CDC42BPA: variants seen among roughly 807,000 people sequenced by gnomAD.
CDC42BPA encodes serine/threonine-protein kinase MRCK alpha.
In CDC42BPA, 80 loss-of-function variants were observed where a neutral mutation model predicts 223.5. That is an observed-to-expected ratio of 0.36 (90% CI 0.30 to 0.43). CDC42BPA has a LOEUF of 0.43. Among genes scored for constraint, CDC42BPA ranks in the 20% least tolerant of loss-of-function variants. The pLI is 1.00. For synonymous variants in CDC42BPA, 694 were observed against 718.6 expected (o/e 0.97, Z 0.55); for missense variants, 1,743 against 2,099.9 (o/e 0.83, Z 3.32).
chr1:227,003,729 T>C (rs1011041002), intron 35 of CDC42BPA, among the ~76,000 whole-genome samples: 1 of 152,148 alleles, frequency 6.6e-6, no homozygotes. Context: ...AAGTGCACCA[T>C]GGAGCACAGT....
chr1:227,240,605 T>C (rs60958272), intron 2 of CDC42BPA, among the ~76,000 whole-genome samples: 22,753 of 151,778 alleles, frequency 0.15, 2,076 homozygotes, highest in African/African-American at 0.24. Context: ...ATAGAGCACA[T>C]GGTCTTTTTA....
chr1:227,129,663 T>G (rs1050565962), intron 10 of CDC42BPA, among the ~76,000 whole-genome samples: 1 of 30,864 alleles, frequency 3.2e-5, no homozygotes, highest in Non-Finnish European at 5.6e-5. Flanking sequence ...TGAGACTGTA[T>G]CTCAAAAAAA....
At chr1:227,003,103 G>A (rs139512918) in intron 35 of CDC42BPA, among the ~76,000 whole-genome samples, 2 of 152,206 alleles carry the variant, frequency 1.3e-5, no homozygotes, top group East Asian at 1.9e-4. Flanking sequence ...CACAAATTGG[G>A]TGCCAAAATC....
At chr1:226,998,803 A>G (rs1662160889) in intron 35 of CDC42BPA, among the ~76,000 whole-genome samples, 1 of 152,236 alleles carries the variant, frequency 6.6e-6, no homozygotes. Flanking sequence ...ATGGGATCTA[A>G]TTAAACTAAA....
At chr1:227,254,191 T>C in intron 1 of CDC42BPA, 36 bp from the exon 2 acceptor site, 2 of 1,049,250 alleles carry the variant, frequency 1.9e-6, no homozygotes, top group Non-Finnish European at 2.9e-6. Flanking sequence ...ATTTTCTTAA[T>C]AAAATGTGAT....
chr1:227,134,688 C>G (rs1658133299), intron 10 of CDC42BPA, among the ~76,000 whole-genome samples: 1 of 152,174 alleles, frequency 6.6e-6, no homozygotes, highest in South Asian at 2.1e-4. Flanking sequence ...ATGAATGAAT[C>G]AGTTTAAATG....
chr1:227,038,154 CTCTGGTG>C (rs1670646617), intron 24 of CDC42BPA, among the ~76,000 whole-genome samples: 1 of 121,542 alleles, frequency 8.2e-6, no homozygotes, highest in Non-Finnish European at 1.8e-5. Context: ...CTCTGTGCTG[CTCTGGTG>C]ATAGTGATTA....
At chr1:227,050,814 T>C (rs926232684) in intron 22 of CDC42BPA, among the ~76,000 whole-genome samples, 2 of 152,170 alleles carry the variant, frequency 1.3e-5, no homozygotes, top group South Asian at 4.1e-4. Flanking sequence ...TATTTAGATA[T>C]GTCTGGGAAA....
At chr1:227,220,282 TTATATATATATA>T (rs368690606) in intron 2 of CDC42BPA, among the ~76,000 whole-genome samples, 3 of 100,900 alleles carry the variant, frequency 3.0e-5, no homozygotes, top group Non-Finnish European at 5.8e-5. Context: ...AAAAGTCATG[TTATATATATATA>T]TATATATATA....
intron 32 of CDC42BPA, 82 bp from the exon 33 acceptor site, chr1:227,017,132 C>A: frequency 1.6e-6 from 2 of 1,289,394 alleles, no homozygotes; most frequent in Non-Finnish European, 2.1e-6. Context: ...CAAGACAGTA[C>A]AAACATTGAT....
intron 14 of CDC42BPA, among the ~76,000 whole-genome samples, chr1:227,105,225 T>C (rs914567363): frequency 1.3e-5 from 2 of 152,124 alleles, no homozygotes; most frequent in African/African-American, 4.8e-5. Context: ...ATCACCAGTA[T>C]CTATTTCCAA....
At chr1:227,159,677 G>T (rs1249497309) in intron 6 of CDC42BPA, among the ~76,000 whole-genome samples, 6 of 151,490 alleles carry the variant, frequency 4.0e-5, no homozygotes, top group African/African-American at 1.5e-4. Flanking sequence ...GAATAAAACT[G>T]TGGCATATAA....
Position 227,028,646 on chromosome 1 carries a change from G to C in CDC42BPA, c.4432+11C>G. Reference sequence around the variant, plus strand: ...ATAAAGATAAGACAGCCGTAAGAAAGAGAATCTTACAACAAGAGGAAGGAT... The same window carrying C: ...ATAAAGATAAGACAGCCGTAAGAAACAGAATCTTACAACAAGAGGAAGGAT... On this transcript the variant is annotated intron_variant, in intron 30 of 36. Transcript: ENST00000366766. 1 of 1,498,150 alleles carries C rather than the reference G, an allele frequency of 6.7e-7. No individual in the cohort carries two copies. The highest frequency in any genetic ancestry group is 9.1e-7 in the Non-Finnish European group (1 of 1,104,324). The allele number at this position is 1,498,150 out of a possible 1,614,324, so 92.8% of individuals were successfully genotyped here.
rs1277915676 is a variant in CDC42BPA at position 227,265,551 on chromosome 1, TC to T, written c.179-11397del. On this transcript the variant is annotated intron_variant, in intron 1 of 36. Coordinates refer to ENST00000366766, the MANE Select transcript of CDC42BPA (RefSeq NM_001394014.1). ...GGCTGAGGCAGGAGTATCGCTTGAA[TC>T]CGGGAGGTGGAGGTTGCAGTGACCC... Among the ~76,000 whole-genome samples, 13 of 150,448 alleles carry T rather than the reference TC, an allele frequency of 8.6e-5. No homozygotes were observed. In the Admixed American group the frequency reaches 8.7e-4, roughly 10 times the overall value.
intron 20 of CDC42BPA, among the ~76,000 whole-genome samples, chr1:227,070,527 C>T (rs6703504): frequency 0.28 from 42,974 of 151,558 alleles, 6,304 homozygotes; most frequent in African/African-American, 0.35. Flanking sequence ...CCACATTTTT[C>T]ACTTCCATAT....
chr1:227,294,773 T>C lies in CDC42BPA; in HGVS notation c.178+22232A>G, dbSNP rs951896756. Among the ~76,000 whole-genome samples, 8 of 103,524 alleles carry C rather than the reference T, an allele frequency of 7.7e-5. 1 individual carries two copies. Among genetic ancestry groups the C allele is most frequent in the Non-Finnish European group, 1.3e-4 (7 of 53,898 alleles). 67.9% of individuals were successfully genotyped at this position (103,524 alleles called of 152,430 possible). ...TACTCGGGAGGCTGAGGCAGGAGAA[T>C]GGCGTGAACCCGGGAGGCGGAGCTT... On this transcript the variant is annotated intron_variant, in intron 1 of 36. Coordinates refer to ENST00000366766, the MANE Select transcript of CDC42BPA (RefSeq NM_001394014.1).
chr1:227,275,795 G>T (rs1686864146), intron 1 of CDC42BPA, among the ~76,000 whole-genome samples: 1 of 152,180 alleles, frequency 6.6e-6, no homozygotes, highest in East Asian at 1.9e-4. Flanking sequence ...GTGGAGAAGG[G>T]GTTTCGCCAT....
chr1:227,293,529 A>AAG (rs1690071506), intron 1 of CDC42BPA, among the ~76,000 whole-genome samples: 1 of 152,006 alleles, frequency 6.6e-6, no homozygotes, highest in Non-Finnish European at 1.5e-5. Context: ...TTAAAAAAAA[A>AAG]AAAAAAGATC....
intron 1 of CDC42BPA, among the ~76,000 whole-genome samples, chr1:227,256,990 C>CA (rs1683186834): frequency 9.7e-5 from 14 of 143,886 alleles, no homozygotes; most frequent in Admixed American, 4.9e-4. Flanking sequence ...CACACACACA[C>CA]CAGTATGTTA....
Sources: allele counts gnomAD v4.1 joint callset (sites outside exome capture counted in the v4.1 genomes callset), GRCh38; gene constraint gnomAD v4.1.1; transcripts MANE v1.5; gene names NCBI Gene and HGNC (gene_info 2026-07-23, HGNC 2026-07-21).